Variants in RIMS1 observed in about 807,000 individuals in gnomAD.
The protein encoded by RIMS1 is regulating synaptic membrane exocytosis protein 1.
Under a neutral mutation model 214.1 loss-of-function variants are expected in RIMS1, and 83 were observed. The ratio of observed to expected loss-of-function variants is 0.39; its 90% CI spans 0.32 to 0.47. The LOEUF (loss-of-function observed/expected upper bound fraction) is 0.47. Ranked by LOEUF, RIMS1 falls within the 20% of genes least tolerant of loss-of-function variation. The pLI, the probability that RIMS1 is intolerant of heterozygous loss-of-function variation, is 0.99. For synonymous variants in RIMS1, 793 were observed against 786.8 expected, an observed-to-expected ratio of 1.01 and a Z score of -0.13; for missense variants, 2,050 against 2,161.8, an observed-to-expected ratio of 0.95 and a Z score of 1.03.
intron 1 of RIMS1, among the ~76,000 whole-genome samples, chr6:71,898,303 T>G (rs2150416853): frequency 6.6e-6 from 1 of 152,296 alleles, no homozygotes; most frequent in African/African-American, 2.4e-5. Context: ...ATCAGTAGTG[T>G]ATTGCCAGAA....
At chr6:72,235,271 A>G (rs2063557842) in intron 7 of RIMS1, among the ~76,000 whole-genome samples, 1 of 152,050 alleles carries the variant, frequency 6.6e-6, no homozygotes, top group Admixed American at 6.6e-5. Flanking sequence ...GTCATCCTAT[A>G]ATGCTATAGA....
At chr6:71,921,665 C>A (rs537435141) in intron 1 of RIMS1, among the ~76,000 whole-genome samples, 1 of 152,200 alleles carries the variant, frequency 6.6e-6, no homozygotes, top group East Asian at 1.9e-4. Flanking sequence ...TTTTTGAAGG[C>A]TTTTTTCATA....
chr6:72,101,110 A>G (rs903991175), intron 4 of RIMS1, among the ~76,000 whole-genome samples: 4 of 151,952 alleles, frequency 2.6e-5, no homozygotes, highest in Non-Finnish European at 2.9e-5. Flanking sequence ...GTGTAAGTAA[A>G]TAATGCTGGT....
chr6:71,887,832 A>G (rs1473688695), intron 1 of RIMS1, among the ~76,000 whole-genome samples: 1 of 152,154 alleles, frequency 6.6e-6, no homozygotes, highest in Admixed American at 6.5e-5. Context: ...GTGTGAAGAC[A>G]GATTCTCTTC....
Position 72,260,688 on chromosome 6 carries a change from C to A in RIMS1, c.3054-17C>A. ...ATAATTTATCTGTTTCACTCACCAC[C>A]CATCCTGTCTGTGCAGTGAGCTTCT... On this transcript the variant is annotated splice_polypyrimidine_tract_variant and intron_variant, in intron 18 of 33. Coordinates refer to ENST00000521978, the MANE Select transcript of RIMS1 (RefSeq NM_014989.7). The A allele has an allele frequency of 6.2e-7, 1 of 1,611,824 alleles. No homozygotes were observed. The highest frequency in any genetic ancestry group is 8.5e-7 in the Non-Finnish European group (1 of 1,178,680).
At chr6:71,915,035 G>A (rs1409541179) in intron 1 of RIMS1, among the ~76,000 whole-genome samples, 1 of 152,056 alleles carries the variant, frequency 6.6e-6, no homozygotes, top group Non-Finnish European at 1.5e-5. Flanking sequence ...TCTATTTGAG[G>A]AGCTTGTTTT....
intron 2 of RIMS1, among the ~76,000 whole-genome samples, chr6:72,026,092 C>T (rs372562856): frequency 1.2e-4 from 19 of 152,260 alleles, no homozygotes; most frequent in African/African-American, 4.1e-4. Context: ...GCCTTACAGA[C>T]CAGCCCTGCG....
chr6:72,221,407 A>G (rs559955914), intron 6 of RIMS1, among the ~76,000 whole-genome samples: 1 of 152,042 alleles, frequency 6.6e-6, no homozygotes, highest in Non-Finnish European at 1.5e-5. Flanking sequence ...AATGGAAATT[A>G]TAAAGGCCAA....
intron 23 of RIMS1, among the ~76,000 whole-genome samples, chr6:72,281,611 A>G (rs1228367705): frequency 1.3e-5 from 2 of 152,086 alleles, no homozygotes; most frequent in East Asian, 3.9e-4. Context: ...TTCTCCTGCA[A>G]AATTTTTCAT....
chr6:72,105,245 TTTTATTCATTTA>T (rs1300944956), intron 4 of RIMS1, among the ~76,000 whole-genome samples: 1 of 152,136 alleles, frequency 6.6e-6, no homozygotes, highest in African/African-American at 2.4e-5. Flanking sequence ...TTTATTCATT[TTTTATTCATTTA>T]TTTATTCATT....
intron 1 of RIMS1, among the ~76,000 whole-genome samples, chr6:71,904,857 G>A (rs1479914342): frequency 6.6e-6 from 1 of 152,138 alleles, no homozygotes; most frequent in Non-Finnish European, 1.5e-5. Context: ...GCAAATGCCT[G>A]TGAGGCAATG....
rs1035582117 is a variant in RIMS1, at chr6:72,393,747, G to T, written c.4618+937G>T. 7.9e-5 allele frequency among the ~76,000 whole-genome samples: 12 copies of T among 151,822 alleles called. No individual in the cohort carries two copies. The South Asian group carries it at 1.5e-3, about 18-fold the overall frequency. On this transcript the variant is annotated intron_variant, in intron 31 of 33. Coordinates refer to ENST00000521978, the MANE Select transcript of RIMS1 (RefSeq NM_014989.7). The stretch of plus-strand genomic sequence containing the variant: ...GTCTCCAAGAAAAAAAAAAAAATCA[G>T]ATTCTCATTGAGCTCTTCGTATTTT...
rs572548993 is a variant in RIMS1, at chr6:72,151,651, C to A, written c.472-27924C>A. Among the ~76,000 whole-genome samples, 3 of 152,156 alleles carry A rather than the reference C, an allele frequency of 2.0e-5. No homozygotes were observed. The South Asian group carries it at 6.2e-4, about 32-fold the overall frequency. On this transcript the variant is annotated intron_variant, in intron 4 of 33. Transcript: ENST00000521978. ...TCACTAATTCTTTGTTTTTCTGTAA[C>A]CAAGAAAAGGAGTATCATATATCTC...
chr6:71,969,026 C>A lies in RIMS1; in HGVS notation c.208C>A (p.Pro70Thr). The A allele has an allele frequency of 6.2e-7, 1 of 1,614,024 alleles. No individual in the cohort carries two copies. Among genetic ancestry groups the A allele is most frequent in the Non-Finnish European group, 8.5e-7 (1 of 1,179,880 alleles). ...GGCGAAGCCTGCTGCCTGCAAAACA[C>A]CAAGAAATGCTGAAAACCAGCCCCA... is the stretch of plus-strand genomic sequence containing the variant. ...DMAKPAACKT[P>T]RNAENQPHQP... Residue 70 changes from proline to threonine, a missense_variant, in exon 2 of 34, where the codon CCA becomes ACA. This residue lies in a region of RIMS1 where 882 missense variants were observed against 828.9 expected (regional missense o/e 1.06). Transcript: ENST00000521978.
intron 1 of RIMS1, among the ~76,000 whole-genome samples, chr6:71,892,129 T>C (rs1345260038): frequency 2.0e-5 from 3 of 152,210 alleles, no homozygotes; most frequent in East Asian, 3.9e-4. Flanking sequence ...CCAGAATCCA[T>C]GTACACTGAC....
intron 2 of RIMS1, among the ~76,000 whole-genome samples, chr6:72,049,398 C>T (rs1823991623): frequency 6.6e-6 from 1 of 152,062 alleles, no homozygotes; most frequent in African/African-American, 2.4e-5. Flanking sequence ...CAGAAGCATC[C>T]ATCACAAATT....
At chr6:71,928,751 C>T (rs1385950341) in intron 1 of RIMS1, among the ~76,000 whole-genome samples, 1 of 152,044 alleles carries the variant, frequency 6.6e-6, no homozygotes, top group Non-Finnish European at 1.5e-5. Context: ...AGTCTAGATT[C>T]CCAGGCTGCA....
At chr6:71,956,989 C>T (rs1418368901) in intron 1 of RIMS1, among the ~76,000 whole-genome samples, 1 of 152,118 alleles carries the variant, frequency 6.6e-6, no homozygotes, top group East Asian at 1.9e-4. Context: ...GGTTTGGAAG[C>T]CATTCATAGA....
intron 2 of RIMS1, among the ~76,000 whole-genome samples, chr6:71,984,373 G>C (rs1313018794): frequency 2.0e-5 from 3 of 151,916 alleles, no homozygotes; most frequent in Non-Finnish European, 2.9e-5. Context: ...AAACTGTACT[G>C]CTGGAGCTAC....
Sources: allele counts gnomAD v4.1 joint callset (sites outside exome capture counted in the v4.1 genomes callset), GRCh38; gene constraint gnomAD v4.1.1; regional missense constraint gnomAD v4.1.1; transcripts MANE v1.5; gene names NCBI Gene and HGNC (gene_info 2026-07-23, HGNC 2026-07-21).